The following GLS variants were observed in gnomAD, a reference collection of about 807,000 sequenced individuals.
GLS encodes the protein glutaminase.
In GLS, 36 loss-of-function variants were observed where a neutral mutation model predicts 86.7. The observed-to-expected ratio is 0.42, with a 90% CI of 0.32 to 0.55. The LOEUF (loss-of-function observed/expected upper bound fraction) is 0.55. Ranked by LOEUF, GLS falls within the 20% of genes least tolerant of loss-of-function variation. The pLI is 0.17. For missense variants in GLS, 528 were observed against 833.4 expected (o/e 0.63, Z 4.51); for synonymous variants, 317 against 305.9 (o/e 1.04, Z -0.38).
At position 190,913,712 on chromosome 2, in the gene GLS, A is replaced by C. The variant is rs532855850; in HGVS notation, c.1038+3391A>C. On this transcript the variant is annotated intron_variant, in intron 7 of 17. Transcript: ENST00000320717. The surrounding 1 kb of genome is among the most constrained non-coding windows in gnomAD (Gnocchi z 6.1). Reference sequence around the variant, plus strand: ...TAGGATAGGAAAATGAGGACAACATACTGCAAAATAATTGCCACACTTAAT... The same window carrying C: ...TAGGATAGGAAAATGAGGACAACATCCTGCAAAATAATTGCCACACTTAAT... The C allele has an allele frequency of 1.2e-4, 117 of 971,866 alleles. No homozygotes were observed. The South Asian group carries it at 4.2e-3, about 35-fold the overall frequency. The allele number at this position is 971,866 out of a possible 1,614,324, so 60.2% of individuals were successfully genotyped here. A position where few individuals can be genotyped will look rare whatever the true frequency, so the allele number is the denominator to read the frequency against.
At chr2:190,898,174 G>A (rs941303600) in intron 3 of GLS, among the ~76,000 whole-genome samples, 25 of 152,104 alleles carry the variant, frequency 1.6e-4, no homozygotes, top group African/African-American at 6.0e-4. Flanking sequence ...CCTTTCATTT[G>A]TATGTTTGAT....
In GLS at chr2:190,895,754, T is replaced by G. The variant is rs1227099643; in HGVS notation, c.605+29T>G. ...AAAGTTTCTGCCAAACCTTTAATGG[T>G]GATTTGCTATGCTATACGGTGATTC... On this transcript the variant is annotated intron_variant, in intron 3 of 17. Transcript: ENST00000320717. The surrounding 1 kb of genome is among the most constrained non-coding windows in gnomAD (Gnocchi z 4.2). The G allele has an allele frequency of 6.4e-6, 10 of 1,562,968 alleles. No homozygotes were observed. Among genetic ancestry groups the G allele is most frequent in the Non-Finnish European group, 8.7e-6 (10 of 1,145,674 alleles).
Position 190,931,614 on chromosome 2 carries a change from C to T in GLS, c.1627C>T (p.Arg543Ter), listed in dbSNP as rs760390934. 6.4e-7 allele frequency: 1 copy of T among 1,564,410 alleles called. No homozygotes were observed. Among genetic ancestry groups the T allele is most frequent in the East Asian group, 2.3e-5 (1 of 44,278 alleles). Residue 543 changes from arginine to a stop codon, truncating the protein, a stop_gained, in exon 14 of 18, where the codon CGA (arginine) becomes TGA (stop). Coordinates refer to ENST00000320717, the MANE Select transcript of GLS (RefSeq NM_014905.5). LOFTEE classifies it high-confidence loss of function. ...LRHFAKKLDP[R>*]REGGDQRVKS... is the part of the protein sequence containing the mutation. ...ACACTTTGCAAAAAAACTTGATCCTCGAAGAGAAGGTGGTGATCAAAGGGT... is the reference window on the plus strand; with the variant it reads ...ACACTTTGCAAAAAAACTTGATCCTTGAAGAGAAGGTGGTGATCAAAGGGT...
At chr2:190,910,357 C>T in intron 7 of GLS, 36 bp downstream of exon 7, 3 of 972,652 alleles carry the variant, frequency 3.1e-6, no homozygotes, top group Non-Finnish European at 4.5e-6. Flanking sequence ...CCTAGTAAAA[C>T]TTTTTTTTTT....
chr2:190,939,175 G>C (rs1306059674), intron 14 of GLS, among the ~76,000 whole-genome samples: 1 of 151,544 alleles, frequency 6.6e-6, no homozygotes, highest in African/African-American at 2.4e-5. Flanking sequence ...TGGCCCCCAA[G>C]TTTCCTAATT....
At chr2:190,957,059 A>T (rs2124953099) in intron 17 of GLS, among the ~76,000 whole-genome samples, 1 of 152,246 alleles carries the variant, frequency 6.6e-6, no homozygotes, top group East Asian at 1.9e-4. Flanking sequence ...AACAGAGACA[A>T]TTTGACTTCC....
intron 17 of GLS, among the ~76,000 whole-genome samples, chr2:190,961,108 G>C (rs1481904816): frequency 2.0e-4 from 30 of 152,184 alleles, no homozygotes; most frequent in Non-Finnish European, 1.5e-5. Flanking sequence ...GAAAAAGTGA[G>C]CTAAGTAACT....
In GLS at chr2:190,947,816, A is replaced by G. The variant is rs1690615704; in HGVS notation, c.1651-5749A>G. Among the ~76,000 whole-genome samples the G allele has an allele frequency of 6.6e-6, 1 of 152,154 alleles. No individual in the cohort carries two copies. On this transcript the variant is annotated intron_variant, in intron 14 of 17. Coordinates refer to ENST00000320717, the MANE Select transcript of GLS (RefSeq NM_014905.5). This position sits in a 1 kb window ranked among gnomAD's most constrained non-coding sequence, Gnocchi z 5.0. ...TTTGCAAGTATTGGTGTGGAGGTGGATGACTGATCTTCTAGAGTGCCCCTC... is the reference window on the plus strand; with the variant it reads ...TTTGCAAGTATTGGTGTGGAGGTGGGTGACTGATCTTCTAGAGTGCCCCTC...
Position 190,964,303 on chromosome 2 carries a change from TGTTA to T in GLS, c.*1320_*1323del, listed in dbSNP as rs759423462. The T allele has an allele frequency of 7.9e-5, 12 of 152,296 alleles. No individual in the cohort carries two copies. The Middle Eastern group carries it at 0.01, about 130-fold the overall frequency. 9.4% of individuals were successfully genotyped at this position (152,296 alleles called of 1,614,324 possible). On this transcript the variant is annotated 3_prime_UTR_variant, in exon 18 of 18. Transcript: ENST00000320717. The surrounding 1 kb of genome is among the most constrained non-coding windows in gnomAD (Gnocchi z 5.2). ...TGTCATACCTCGAGATAAAGTGGCA[TGTTA>T]GTGAGGAGTTCTGATATTAAGCACA...
Position 190,905,165 on chromosome 2 carries a change from A to G in GLS, c.977A>G (p.Asp326Gly). The G allele has an allele frequency of 6.4e-7, 1 of 1,573,462 alleles. No homozygotes were observed. Among genetic ancestry groups the G allele is most frequent in the Non-Finnish European group, 8.7e-7 (1 of 1,147,442 alleles). Residue 326 changes from aspartate (D) to glycine (G), a missense_variant and splice_region_variant, in exon 6 of 18, where the codon GAT (aspartate) becomes GGT (glycine). Around this residue, in one of 4 missense-constraint regions of GLS, gnomAD observed 163 missense variants for 429.2 expected, o/e 0.38. Coordinates refer to ENST00000320717, the MANE Select transcript of GLS (RefSeq NM_014905.5). The surrounding 1 kb of genome is among the most constrained non-coding windows in gnomAD (Gnocchi z 4.6). ...TTCAACAAACTATTTTTGAATGAAG[A>G]TGGTAAGAATTACATAAACATTGGT... is the stretch of plus-strand genomic sequence containing the variant. ...LRFNKLFLNE[D>G]DKPHNPMVNA... is the part of the protein sequence containing the mutation.
At chr2:190,887,175 T>C (rs1445467442) in intron 1 of GLS, among the ~76,000 whole-genome samples, 2 of 152,208 alleles carry the variant, frequency 1.3e-5, no homozygotes, top group African/African-American at 2.4e-5. Context: ...TTTATAAAAA[T>C]AGTTATTAAT....
At position 190,880,912 on chromosome 2, in the gene GLS, G is replaced by GCAGCAGCAGCAC. The variant is rs1553572210; in HGVS notation, c.-165_-164insGCACCAGCAGCA. On this transcript the variant is annotated 5_prime_UTR_variant, in exon 1 of 18. Transcript: ENST00000320717. ...AGCAGCAGCAGCAGCAGCAGCAGCA[G>GCAGCAGCAGCAC]CAGCAGCACCCGCATCCGCTGCGGG... The GCAGCAGCAGCAC allele has an allele frequency of 7.1e-5, 67 of 946,832 alleles. 2 individuals are homozygous for GCAGCAGCAGCAC. Among genetic ancestry groups the GCAGCAGCAGCAC allele is most frequent in the Middle Eastern group, 6.1e-4 (2 of 3,262 alleles). 58.7% of individuals were successfully genotyped at this position (946,832 alleles called of 1,614,324 possible).
chr2:190,896,298 T>G (rs1688738149), intron 3 of GLS: 2 of 152,218 alleles, frequency 1.3e-5, no homozygotes, highest in South Asian at 4.1e-4. Context: ...AATTTTTACT[T>G]TGATGTTCCT....
chr2:190,943,672 T>A lies in GLS; in HGVS notation c.1651-9893T>A, dbSNP rs1169152225. Among the ~76,000 whole-genome samples the A allele has an allele frequency of 1.3e-5, 2 of 152,202 alleles. No individual in the cohort carries two copies. The highest frequency in any genetic ancestry group is 4.8e-5 in the African/African-American group (2 of 41,458). ...GCTTTTCTCCAGCAATTTTCTGTAT[T>A]ATATGTTGGAGGAGCCTGCTATGTA... is the stretch of plus-strand genomic sequence containing the variant. On this transcript the variant is annotated intron_variant, in intron 14 of 17. Transcript: ENST00000320717. The surrounding 1 kb of genome is among the most constrained non-coding windows in gnomAD (Gnocchi z 4.5).
intron 1 of GLS, among the ~76,000 whole-genome samples, chr2:190,885,997 CA>C (rs1352767435): frequency 3.3e-5 from 5 of 152,048 alleles, no homozygotes; most frequent in Admixed American, 1.3e-4. Context: ...CTCAGCCCCC[CA>C]TGTAGCTGGG....
Position 190,913,513 on chromosome 2 carries a change from G to A in GLS, c.1038+3192G>A. 3 of 985,004 alleles carry A rather than the reference G, an allele frequency of 3.0e-6. No homozygotes were observed. Among genetic ancestry groups the A allele is most frequent in the Non-Finnish European group, 3.6e-6 (3 of 823,694 alleles). 61.0% of individuals were successfully genotyped at this position (985,004 alleles called of 1,614,324 possible). On this transcript the variant is annotated intron_variant, in intron 7 of 17. Coordinates refer to ENST00000320717, the MANE Select transcript of GLS (RefSeq NM_014905.5). This position sits in a 1 kb window ranked among gnomAD's most constrained non-coding sequence, Gnocchi z 6.1. ...TTTTTGTTGTAATCTGTTTTATTTG[G>A]GATTGTGATAATGTGTGATTGCTTG... is the stretch of plus-strand genomic sequence containing the variant.
In GLS at chr2:190,893,616, C is replaced by T. The variant is rs146189538; in HGVS notation, c.387-1536C>T. 3.0e-3 allele frequency among the ~76,000 whole-genome samples: 462 copies of T among 152,228 alleles called. 8 individuals carry two copies. The highest frequency in any genetic ancestry group is 0.01 in the African/African-American group (430 of 41,534). ...TGTATTTTTTTTGGAGACAGAGTCT[C>T]GCTCTGTTACCCACTCTGGAGTGTG... On this transcript the variant is annotated intron_variant, in intron 1 of 17. Coordinates refer to ENST00000320717, the MANE Select transcript of GLS (RefSeq NM_014905.5).
At chr2:190,907,020 C>T (rs1287431687) in intron 6 of GLS, among the ~76,000 whole-genome samples, 1 of 150,808 alleles carries the variant, frequency 6.6e-6, no homozygotes, top group Non-Finnish European at 1.5e-5. Context: ...AGCTCTGCCC[C>T]CCGGGTTCAC....
chr2:190,932,234 A>T (rs531239451), intron 14 of GLS, among the ~76,000 whole-genome samples: 1 of 152,052 alleles, frequency 6.6e-6, no homozygotes, highest in African/African-American at 2.4e-5. Flanking sequence ...TTGGCTTCAT[A>T]CTATTGTACA....
Sources: allele counts gnomAD v4.1 joint callset (sites outside exome capture counted in the v4.1 genomes callset), GRCh38; gene constraint gnomAD v4.1.1; regional missense constraint gnomAD v4.1.1; non-coding constraint Gnocchi (gnomAD v3.1); transcripts MANE v1.5; gene names NCBI Gene and HGNC (gene_info 2026-07-23, HGNC 2026-07-21).